GARNL3: variants seen among roughly 807,000 people sequenced by gnomAD.
GARNL3 encodes GTPase activating Rap/RanGAP domain like 3, also known as GTPase-activating Rap/Ran-GAP domain-like protein 3.
A neutral mutation model predicts 125.0 loss-of-function variants in GARNL3; 63 were observed. The observed-to-expected ratio is 0.50, with a 90% CI of 0.41 to 0.62. The LOEUF is 0.62. GARNL3 is among the 20% of genes least tolerant of loss of function. The pLI is 0.00. For missense variants in GARNL3, 994 were observed against 1,244.0 expected, an observed-to-expected ratio of 0.80 and a Z score of 3.02; for synonymous variants, 439 against 457.5, an observed-to-expected ratio of 0.96 and a Z score of 0.52.
chr9:127,376,658 A>G (rs1368416548), intron 22 of GARNL3, among the ~76,000 whole-genome samples: 1 of 152,076 alleles, frequency 6.6e-6, no homozygotes, highest in Non-Finnish European at 1.5e-5. Context: ...AAAACAGTAC[A>G]TCTTTTATTC....
At chr9:127,307,580 G>A (rs1321049196) in intron 2 of GARNL3, among the ~76,000 whole-genome samples, 1 of 152,176 alleles carries the variant, frequency 6.6e-6, no homozygotes, top group Non-Finnish European at 1.5e-5. Context: ...GTGAATACAT[G>A]GAGTTGTTAT....
At chr9:127,290,134 G>A (rs1320534228) in intron 1 of GARNL3, among the ~76,000 whole-genome samples, 1 of 152,098 alleles carries the variant, frequency 6.6e-6, no homozygotes, top group Non-Finnish European at 1.5e-5. Context: ...GTTATTATGA[G>A]AATTAAACGA....
At chr9:127,336,004 T>C in intron 10 of GARNL3, 124 bp from the exon 11 acceptor site, 2 of 673,200 alleles carry the variant, frequency 3.0e-6, no homozygotes, top group Non-Finnish European at 2.5e-6. Flanking sequence ...AAGTCAAAGA[T>C]GTCTGAAGTT....
chr9:127,387,495 C>T (rs1342853632), intron 25 of GARNL3, among the ~76,000 whole-genome samples, 164 bp downstream of exon 25: 1 of 152,140 alleles, frequency 6.6e-6, no homozygotes, highest in East Asian at 1.9e-4. Context: ...ATAATCCCAG[C>T]ACTTTGGGAA....
At chr9:127,279,677 A>T (rs2064053236) in intron 1 of GARNL3, among the ~76,000 whole-genome samples, 1 of 152,194 alleles carries the variant, frequency 6.6e-6, no homozygotes, top group South Asian at 2.1e-4. Context: ...TTGGTTTCAT[A>T]GTAAAGATGG....
chr9:127,325,024 A>G (rs372946528), intron 6 of GARNL3, 45 bp from the exon 7 acceptor site: 9 of 1,581,964 alleles, frequency 5.7e-6, no homozygotes, highest in Middle Eastern at 1.7e-4. Context: ...AAATGAAATA[A>G]TTACTGTTAT....
chr9:127,348,516 A>G (rs1478760834), intron 16 of GARNL3, among the ~76,000 whole-genome samples: 2 of 152,216 alleles, frequency 1.3e-5, no homozygotes, highest in African/African-American at 4.8e-5. Flanking sequence ...CAACACAGGA[A>G]TCTGACTTTT....
chr9:127,340,724 C>A (rs1829818527), intron 13 of GARNL3, among the ~76,000 whole-genome samples: 1 of 151,456 alleles, frequency 6.6e-6, no homozygotes, highest in Non-Finnish European at 1.5e-5. Flanking sequence ...CTGAGTCCTA[C>A]GTGGACAAGT....
At chr9:127,346,056 C>T (rs1320070969) in intron 16 of GARNL3, among the ~76,000 whole-genome samples, 1 of 152,208 alleles carries the variant, frequency 6.6e-6, no homozygotes, top group Non-Finnish European at 1.5e-5. Context: ...AAAACCAATG[C>T]TTAATCTACA....
intron 22 of GARNL3, among the ~76,000 whole-genome samples, chr9:127,375,859 TGTG>T (rs1287280092): frequency 1.3e-5 from 2 of 152,210 alleles, no homozygotes; most frequent in Admixed American, 6.5e-5. Context: ...GAGAGGTCCT[TGTG>T]GTGAGGAACT....
rs560772197 is a variant in GARNL3 at position 127,305,026 on chromosome 9, A to G, written c.220-6610A>G. ...TGACAAAGGATAAACGCCTGACTCA[A>G]ATACACATCATATGATTTCATTTTC... On this transcript the variant is annotated intron_variant, in intron 2 of 27. Coordinates refer to ENST00000373387, the MANE Select transcript of GARNL3 (RefSeq NM_032293.5). Among the ~76,000 whole-genome samples the G allele has an allele frequency of 6.6e-5, 10 of 152,334 alleles. No homozygotes were observed. In the South Asian group the frequency reaches 1.2e-3, roughly 19 times the overall value.
chr9:127,387,307 G>A lies in GARNL3; in HGVS notation c.2503G>A (p.Val835Ile), dbSNP rs1243862538. ...GACACCCCCGGGCCGAGATACTCCA[G>A]TATTTCCTTCTTCCCTGGGGGAAGG... The part of the protein sequence containing the change: ...PQTPPGRDTP[V>I]FPSSLGEGEI... The change falls in exon 25 of 28, where the codon GTA becomes ATA. Residue 835 changes from valine (V) to isoleucine (I), a missense_variant. Coordinates refer to ENST00000373387, the MANE Select transcript of GARNL3 (RefSeq NM_032293.5). The A allele has an allele frequency of 6.2e-7, 1 of 1,613,662 alleles. No individual in the cohort carries two copies.
rs560827048 is a variant in GARNL3, at chr9:127,236,685, A to G, written c.-28-6394A>G. Among the ~76,000 whole-genome samples the G allele has an allele frequency of 3.9e-5, 6 of 152,194 alleles. No homozygotes were observed. In the East Asian group the frequency reaches 1.2e-3, roughly 29 times the overall value. ...CAGTTCCCCCTGCTTCGGCCTCTCA[A>G]AGTGCTGGGATTACAGGTGTGAGCC... is the stretch of plus-strand genomic sequence containing the variant. On this transcript the variant is annotated intron_variant, in intron 1 of 10. Coordinates refer to the GARNL3 transcript ENST00000439286.
At chr9:127,231,051 T>TATATATATATATGTATA (rs756942109) in intron 1 of GARNL3, among the ~76,000 whole-genome samples, 1 of 58,084 alleles carries the variant, frequency 1.7e-5, no homozygotes. Flanking sequence ...TATATATATA[T>TATATATATATATGTATA]TTTTTTTTTT....
chr9:127,382,357 G>T (rs527650249), intron 22 of GARNL3, among the ~76,000 whole-genome samples: 11 of 151,978 alleles, frequency 7.2e-5, no homozygotes, highest in Non-Finnish European at 1.5e-4. Context: ...GAAATGTATG[G>T]CTAAAACATG....
intron 16 of GARNL3, among the ~76,000 whole-genome samples, chr9:127,347,156 A>G (rs953877371): frequency 4.6e-5 from 7 of 152,318 alleles, no homozygotes; most frequent in East Asian, 1.9e-4. Context: ...GCAGTGGTTC[A>G]TGCCTATAAT....
intron 17 of GARNL3, among the ~76,000 whole-genome samples, chr9:127,349,608 C>T (rs914128708): frequency 1.3e-5 from 2 of 152,136 alleles, no homozygotes; most frequent in East Asian, 1.9e-4. Context: ...AGTTCTCTGT[C>T]GCCACAGATC....
intron 9 of GARNL3, among the ~76,000 whole-genome samples, chr9:127,334,789 C>T (rs1829458553): frequency 6.6e-6 from 1 of 152,186 alleles, no homozygotes; most frequent in Non-Finnish European, 1.5e-5. Flanking sequence ...AGCCACATAG[C>T]CAATGACAAA....
chr9:127,324,975 A>G, intron 6 of GARNL3, 94 bp from the exon 7 acceptor site: 2 of 1,245,668 alleles, frequency 1.6e-6, no homozygotes, highest in South Asian at 1.2e-5. Context: ...TCAAAATGTC[A>G]GTGTGAGCAA....
Sources: gnomAD v4.1 joint callset for allele counts (sites outside exome capture counted in the v4.1 genomes callset) on GRCh38, gnomAD v4.1.1 for gene constraint, MANE v1.5 for transcripts, NCBI Gene and HGNC (gene_info 2026-07-23, HGNC 2026-07-21) for gene names.